DENND1B: variants seen among roughly 807,000 people sequenced by gnomAD.
DENND1B encodes the protein DENN domain-containing protein 1B.
A neutral mutation model predicts 90.1 loss-of-function variants in DENND1B; 59 were observed. The ratio of observed to expected loss-of-function variants is 0.65; its 90% CI spans 0.53 to 0.81. The LOEUF (loss-of-function observed/expected upper bound fraction) is 0.81. Among genes scored for constraint, DENND1B ranks in the 40% least tolerant of loss-of-function variants. DENND1B has a pLI of 0.00. For missense variants in DENND1B, 862 were observed against 912.6 expected (o/e 0.94, Z 0.71); for synonymous variants, 337 against 324.6 (o/e 1.04, Z -0.41).
chr1:197,591,018 T>G (rs1269783210), intron 14 of DENND1B, among the ~76,000 whole-genome samples: 1 of 152,206 alleles, frequency 6.6e-6, no homozygotes, highest in East Asian at 1.9e-4. Context: ...CTCTCCTGAT[T>G]GAAGGTCATT....
At chr1:197,675,127 TA>T (rs894200406) in intron 3 of DENND1B, among the ~76,000 whole-genome samples, 1 of 152,086 alleles carries the variant, frequency 6.6e-6, no homozygotes, top group African/African-American at 2.4e-5. Flanking sequence ...AAGAATTTTA[TA>T]AGGATGTTTC....
chr1:197,553,813 T>C (rs896869945), intron 15 of DENND1B, among the ~76,000 whole-genome samples: 1 of 152,112 alleles, frequency 6.6e-6, no homozygotes, highest in African/African-American at 2.4e-5. Context: ...TTGAGGTAAA[T>C]GCATACTGAC....
chr1:197,752,647 T>TTTA (rs982115776), intron 2 of DENND1B, among the ~76,000 whole-genome samples: 2 of 151,956 alleles, frequency 1.3e-5, no homozygotes, highest in African/African-American at 4.8e-5. Context: ...ATTTTTTTTC[T>TTTA]TTATTATTAT....
upstream of DENND1B, among the ~76,000 whole-genome samples, chr1:197,775,973 G>GTTCAGACC (rs1657246776): frequency 2.6e-5 from 4 of 152,192 alleles, no homozygotes; most frequent in East Asian, 7.7e-4. Flanking sequence ...GTTCAGACAT[G>GTTCAGACC]TGCACCTGCT....
chr1:197,659,635 T>G (rs1245500251), intron 5 of DENND1B, among the ~76,000 whole-genome samples: 2 of 151,790 alleles, frequency 1.3e-5, no homozygotes. Context: ...GAAAAAACAA[T>G]AGCAATGCAG....
chr1:197,602,845 G>C (rs1477304985), intron 13 of DENND1B, among the ~76,000 whole-genome samples: 1 of 151,166 alleles, frequency 6.6e-6, no homozygotes, highest in African/African-American at 2.4e-5. Flanking sequence ...GAATTTTAGA[G>C]GTTTTCTCCA....
At chr1:197,534,377 A>G (rs1358712834) in intron 20 of DENND1B, among the ~76,000 whole-genome samples, 1 of 152,174 alleles carries the variant, frequency 6.6e-6, no homozygotes, top group Non-Finnish European at 1.5e-5. Context: ...AAATGAAGAA[A>G]ACTAAATTTC....
chr1:197,631,009 C>T (rs1679275783), intron 10 of DENND1B, among the ~76,000 whole-genome samples: 1 of 152,106 alleles, frequency 6.6e-6, no homozygotes, highest in South Asian at 2.1e-4. Flanking sequence ...ATCTCCTCAC[C>T]TACATGACAT....
chr1:197,512,855 A>G lies in DENND1B; in HGVS notation c.1598+16T>C. On this transcript the variant is annotated intron_variant, in intron 21 of 22. Coordinates refer to ENST00000620048, the MANE Select transcript of DENND1B (RefSeq NM_001195215.2). ...AAGCCATTCCACTTAATAGGACACCAAAATCCATTACTTACTTGCTTGCTC... is the reference window on the plus strand; with the variant it reads ...AAGCCATTCCACTTAATAGGACACCGAAATCCATTACTTACTTGCTTGCTC... 1.9e-6 allele frequency: 3 copies of G among 1,608,184 alleles called. No individual in the cohort carries two copies. The African/African-American group carries it at 4.0e-5, about 22-fold the overall frequency.
intron 2 of DENND1B, chr1:197,747,114 T>C (rs761676137): frequency 2.6e-6 from 2 of 772,304 alleles, no homozygotes; most frequent in Admixed American, 3.6e-5. Flanking sequence ...GAGATTCTTT[T>C]TCATTCCTCA....
At chr1:197,612,851 A>G (rs965119984) in intron 11 of DENND1B, among the ~76,000 whole-genome samples, 4 of 150,804 alleles carry the variant, frequency 2.7e-5, no homozygotes, top group Non-Finnish European at 3.0e-5. Context: ...CAGAATAAGA[A>G]TTGCTGGTTA....
At chr1:197,768,384 C>T (rs910524723) in intron 2 of DENND1B, among the ~76,000 whole-genome samples, 1 of 152,140 alleles carries the variant, frequency 6.6e-6, no homozygotes. Context: ...TAGAGGCATA[C>T]CCAATCTTTT....
chr1:197,753,539 T>C (rs182958154), intron 2 of DENND1B, among the ~76,000 whole-genome samples: 12 of 152,202 alleles, frequency 7.9e-5, no homozygotes, highest in Admixed American at 7.2e-4. Context: ...CCCTAAACTA[T>C]GGCTTTGGGT....
At chr1:197,544,949 A>AGGAG (rs1670660053) in intron 18 of DENND1B, among the ~76,000 whole-genome samples, 2 of 806 alleles carry the variant, frequency 2.5e-3, no homozygotes, top group Non-Finnish European at 4.5e-3. Context: ...AAGGGAGAAG[A>AGGAG]GAGAAGGGAG....
At chr1:197,567,944 G>C (rs150546076) in intron 15 of DENND1B, among the ~76,000 whole-genome samples, 3,225 of 151,016 alleles carry the variant, frequency 0.021, 53 homozygotes, top group South Asian at 0.045. Flanking sequence ...ATCCTAGTTA[G>C]AGCAATTCAT....
chr1:197,760,281 CCT>C (rs1654868471), intron 2 of DENND1B, among the ~76,000 whole-genome samples: 1 of 152,126 alleles, frequency 6.6e-6, no homozygotes, highest in Admixed American at 6.5e-5. Flanking sequence ...AATGCCATCT[CCT>C]CTCTTTCTCT....
intron 7 of DENND1B, among the ~76,000 whole-genome samples, chr1:197,649,867 T>C (rs151042555): frequency 1.9e-4 from 29 of 152,150 alleles, no homozygotes; most frequent in African/African-American, 7.0e-4. Flanking sequence ...AGATAAATAG[T>C]TGGGACTTAA....
intron 20 of DENND1B, among the ~76,000 whole-genome samples, chr1:197,528,785 G>T (rs1021186596): frequency 6.6e-6 from 1 of 151,250 alleles, no homozygotes; most frequent in Non-Finnish European, 1.5e-5. Flanking sequence ...GCGTGAACCC[G>T]GGAGGCGGAG....
chr1:197,745,619 TATA>T (rs1558472075), intron 2 of DENND1B, among the ~76,000 whole-genome samples: 2,508 of 105,888 alleles, frequency 0.024, 77 homozygotes, highest in African/African-American at 0.068. Flanking sequence ...ATATATATTA[TATA>T]TATATATATA....
Sources: allele counts gnomAD v4.1 joint callset (sites outside exome capture counted in the v4.1 genomes callset), GRCh38; gene constraint gnomAD v4.1.1; transcripts MANE v1.5; gene names NCBI Gene and HGNC (gene_info 2026-07-23, HGNC 2026-07-21).